Variants in HEXA observed in about 807,000 individuals in gnomAD.
HEXA encodes beta-hexosaminidase subunit alpha.
A neutral mutation model predicts 73.3 loss-of-function variants in HEXA; 54 were observed. The observed-to-expected ratio is 0.74, with a 90% confidence interval of 0.59 to 0.92. HEXA has a LOEUF of 0.92. Among genes scored for constraint, HEXA ranks in the 40% least tolerant of loss-of-function variants. The pLI is 0.00. For synonymous variants in HEXA, 230 were observed against 246.9 expected (o/e 0.93, Z 0.64); for missense variants, 649 against 653.0 (o/e 0.99, Z 0.07).
At chr15:72,371,824 A>C (rs921141862) in intron 1 of HEXA, among the ~76,000 whole-genome samples, 1 of 152,188 alleles carries the variant, frequency 6.6e-6, no homozygotes, top group African/African-American at 2.4e-5. Flanking sequence ...AGGATGAGCA[A>C]ATCAAATACT....
intron 1 of HEXA, among the ~76,000 whole-genome samples, chr15:72,368,333 A>C (rs1292495385): frequency 2.0e-5 from 3 of 152,230 alleles, no homozygotes; most frequent in Non-Finnish European, 4.4e-5. Context: ...AGTATATTAC[A>C]AGACTGTACA....
At chr15:72,344,664 C>T (rs924798934) in intron 13 of HEXA, among the ~76,000 whole-genome samples, 5 of 152,094 alleles carry the variant, frequency 3.3e-5, no homozygotes, top group African/African-American at 1.2e-4. Flanking sequence ...CCTTATCATC[C>T]AAGTAAGCAA....
chr15:72,357,065 T>C (rs2140329446), intron 1 of HEXA: 1 of 302,108 alleles, frequency 3.3e-6, no homozygotes, highest in Non-Finnish European at 6.6e-6. Flanking sequence ...AAATCAATTA[T>C]GTCAGAGTAA....
intron 3 of HEXA, 79 bp downstream of exon 3, chr15:72,355,480 T>C: frequency 1.0e-6 from 1 of 969,652 alleles, no homozygotes; most frequent in Non-Finnish European, 1.7e-6. Flanking sequence ...GAGCAGGGAC[T>C]GGGCCACTGC....
At chr15:72,359,480 AGGTCGGGAGTTAGTGACCAGCCT>A (rs1000278627) in intron 1 of HEXA, 2 of 151,988 alleles carry the variant, frequency 1.3e-5, no homozygotes, top group African/African-American at 2.4e-5. Context: ...GGATCACTTA[AGGTCGGGAGTTAGTGACCAGCCT>A]GGCCAACACG....
chr15:72,372,951 G>A (rs908766352), intron 1 of HEXA, among the ~76,000 whole-genome samples: 1 of 152,148 alleles, frequency 6.6e-6, no homozygotes, highest in Non-Finnish European at 1.5e-5. Context: ...TGGGCAACAT[G>A]GCGAAACCCC....
At position 72,346,720 on chromosome 15, in the gene HEXA, A is replaced by G. The variant is rs1171468697; in HGVS notation, c.1147-10T>C. On this transcript the variant is annotated splice_polypyrimidine_tract_variant and intron_variant, in intron 10 of 13. Coordinates refer to ENST00000268097, the MANE Select transcript of HEXA (RefSeq NM_000520.6). Reference sequence around the variant, plus strand: ...TTGTGTCTGGCTGAATCTGTTATAAAAGGTCAAATGGCAGTAAGGACACAA... The same window carrying G: ...TTGTGTCTGGCTGAATCTGTTATAAGAGGTCAAATGGCAGTAAGGACACAA... 6.2e-7 allele frequency: 1 copy of G among 1,613,860 alleles called. No homozygotes were observed. The highest frequency in any genetic ancestry group is 1.7e-5 in the Admixed American group (1 of 60,026).
chr15:72,372,137 A>T (rs1028358278), intron 1 of HEXA, among the ~76,000 whole-genome samples: 5 of 152,172 alleles, frequency 3.3e-5, no homozygotes, highest in African/African-American at 1.2e-4. Context: ...GTTCGAGACC[A>T]GTCTGGCCAA....
intron 1 of HEXA, among the ~76,000 whole-genome samples, chr15:72,372,022 C>T (rs528089055): frequency 2.4e-4 from 36 of 152,212 alleles, no homozygotes; most frequent in African/African-American, 8.4e-4. Context: ...TATACTATGG[C>T]TTCTATCAAC....
chr15:72,367,945 C>A (rs2088939164), intron 1 of HEXA, among the ~76,000 whole-genome samples: 1 of 151,744 alleles, frequency 6.6e-6, no homozygotes, highest in African/African-American at 2.4e-5. Flanking sequence ...CTTCTGCACT[C>A]CCAAAGTACC....
At chr15:72,370,430 C>T (rs868608431) in intron 1 of HEXA, 6 of 392,092 alleles carry the variant, frequency 1.5e-5, no homozygotes, top group Admixed American at 4.4e-5. Flanking sequence ...GTGGCTCACA[C>T]CTGTAATCTC....
At position 72,375,940 on chromosome 15, in the gene HEXA, C is replaced by T. The variant is rs2140344852; in HGVS notation, c.33G>A (p.Leu11=). ...CCCGTCCTGCGAACGCTGCCGCCAG[C>T]AGCAGCGAAAACCAAAGCCTGGAGC... MTSSRLWFSL[L]LAAAFAGRAT... Residue 11 remains leucine, a synonymous_variant, in exon 1 of 14, where the codon CTG becomes CTA. Transcript: ENST00000268097. 6.2e-7 allele frequency: 1 copy of T among 1,614,124 alleles called. No homozygotes were observed. Among genetic ancestry groups the T allele is most frequent in the Non-Finnish European group, 8.5e-7 (1 of 1,180,030 alleles).
At chr15:72,344,232 A>C in intron 13 of HEXA, 92 bp from the exon 14 acceptor site, 1 of 864,434 alleles carries the variant, frequency 1.2e-6, no homozygotes. Flanking sequence ...CTCCTTCCCC[A>C]TTTCGGTGAC....
At chr15:72,363,922 A>T (rs987479991) in intron 1 of HEXA, among the ~76,000 whole-genome samples, 1 of 152,148 alleles carries the variant, frequency 6.6e-6, no homozygotes, top group Non-Finnish European at 1.5e-5. Flanking sequence ...ACAATTTTCC[A>T]ATTTTTTTGT....
intron 1 of HEXA, among the ~76,000 whole-genome samples, chr15:72,371,388 G>T (rs2140340544): frequency 6.6e-6 from 1 of 152,114 alleles, no homozygotes; most frequent in African/African-American, 2.4e-5. Flanking sequence ...AGGCAGAGTG[G>T]TTGAGCCCAG....
chr15:72,373,866 G>A (rs2089023442), intron 1 of HEXA, among the ~76,000 whole-genome samples: 1 of 152,092 alleles, frequency 6.6e-6, no homozygotes, highest in Non-Finnish European at 1.5e-5. Context: ...GGGCGTGGTG[G>A]CAAGCACGTG....
intron 10 of HEXA, 85 bp downstream of exon 10, chr15:72,347,601 T>C: frequency 1.2e-5 from 13 of 1,058,108 alleles, no homozygotes; most frequent in Non-Finnish European, 1.9e-5. Context: ...ACCAGGAGGA[T>C]CAGTCTCTGT....
intron 1 of HEXA, among the ~76,000 whole-genome samples, chr15:72,368,732 T>C (rs1340670863): frequency 6.6e-6 from 1 of 152,202 alleles, no homozygotes; most frequent in East Asian, 1.9e-4. Flanking sequence ...CCATTCTGTA[T>C]ATGAACAGGC....
intron 6 of HEXA, 28 bp from the exon 7 acceptor site, chr15:72,350,678 T>C: frequency 6.2e-7 from 1 of 1,613,584 alleles, no homozygotes; most frequent in Non-Finnish European, 8.5e-7. Flanking sequence ...CCCTTCAGGT[T>C]CACACTTCCT....
Sources: gnomAD v4.1 joint callset for allele counts (sites outside exome capture counted in the v4.1 genomes callset) on GRCh38, gnomAD v4.1.1 for gene constraint, MANE v1.5 for transcripts, NCBI Gene and HGNC (gene_info 2026-07-23, HGNC 2026-07-21) for gene names.